RAI1: variants seen among roughly 807,000 people sequenced by gnomAD.
RAI1 encodes retinoic acid induced 1.
Under a neutral mutation model 123.8 loss-of-function variants are expected in RAI1, and 9 were observed. The observed-to-expected ratio is 0.07, with a 90% CI of 0.04 to 0.13. The LOEUF (loss-of-function observed/expected upper bound fraction) is 0.13. RAI1 is among the 10% of genes least tolerant of loss of function. RAI1 has a pLI of 1.00. For missense variants in RAI1, 2,256 were observed against 2,545.8 expected, an observed-to-expected ratio of 0.89 and a Z score of 2.45; for synonymous variants, 1,231 against 1,127.3, an observed-to-expected ratio of 1.09 and a Z score of -1.84.
chr17:17,766,435 T>A (rs2030935405), intron 2 of RAI1: 1 of 152,216 alleles, frequency 6.6e-6, no homozygotes, highest in Admixed American at 6.5e-5. Flanking sequence ...CCAGGCGTGG[T>A]GTCACTCAGG....
chr17:17,733,461 G>GT (rs1916332004), intron 2 of RAI1, among the ~76,000 whole-genome samples: 1 of 152,172 alleles, frequency 6.6e-6, no homozygotes, highest in Non-Finnish European at 1.5e-5. Flanking sequence ...GATTCTGCTT[G>GT]TTCTATAAGA....
chr17:17,794,590 G>T lies in RAI1; in HGVS notation c.1642G>T (p.Ala548Ser), dbSNP rs1246938481. Residue 548 changes from alanine to serine, a missense_variant, in exon 3 of 6, where the codon GCC (alanine) becomes TCC (serine). Physicochemically the swap from Ala to Ser is moderately conservative, Grantham distance 99. This residue lies in a region of RAI1 where 357 missense variants were observed against 480.2 expected (regional missense o/e 0.74). Coordinates refer to ENST00000353383, the MANE Select transcript of RAI1 (RefSeq NM_030665.4). The stretch of plus-strand genomic sequence containing the variant: ...TGCCAGGGTCAACAGCAACTCGAAG[G>T]CCAAGCCCGAGTCCGTGTCCACCTG... The part of the protein sequence containing the change: ...SPARVNSNSK[A>S]KPESVSTCSV... 1.2e-6 allele frequency: 2 copies of T among 1,613,108 alleles called. No homozygotes were observed. Among genetic ancestry groups the T allele is most frequent in the South Asian group, 2.2e-5 (2 of 91,090 alleles).
At chr17:17,725,441 G>T (rs62064084) in intron 2 of RAI1, among the ~76,000 whole-genome samples, 11 of 152,010 alleles carry the variant, frequency 7.2e-5, no homozygotes, top group Non-Finnish European at 1.5e-4. Context: ...GAGGAGAGTG[G>T]TGGGAACTTC....
intron 1 of RAI1, among the ~76,000 whole-genome samples, chr17:17,702,391 C>G (rs1331972383): frequency 2.0e-5 from 3 of 152,216 alleles, no homozygotes; most frequent in Non-Finnish European, 4.4e-5. Flanking sequence ...TCCTCACTAC[C>G]AGGCCAAGCC....
At chr17:17,707,080 C>G (rs1024312507) in intron 1 of RAI1, among the ~76,000 whole-genome samples, 8 of 152,096 alleles carry the variant, frequency 5.3e-5, no homozygotes, top group Non-Finnish European at 1.2e-4. Flanking sequence ...GAGGCTGAGG[C>G]AGGCAGATCG....
intron 1 of RAI1, among the ~76,000 whole-genome samples, chr17:17,683,161 G>A (rs1914502635): frequency 6.6e-6 from 1 of 152,208 alleles, no homozygotes; most frequent in African/African-American, 2.4e-5. Context: ...TGCCGCTGCC[G>A]GGCTGTTAAG....
chr17:17,698,751 T>A (rs1485199359), intron 1 of RAI1, among the ~76,000 whole-genome samples: 1 of 152,194 alleles, frequency 6.6e-6, no homozygotes, highest in Non-Finnish European at 1.5e-5. Flanking sequence ...CCCCAGGCAC[T>A]GAGTTTTCTT....
chr17:17,719,295 GC>G (rs1280702767), intron 1 of RAI1, among the ~76,000 whole-genome samples: 2 of 152,030 alleles, frequency 1.3e-5, no homozygotes, highest in African/African-American at 2.4e-5. Flanking sequence ...TGTAGGTGTG[GC>G]CCCCCGTCCT....
intron 1 of RAI1, among the ~76,000 whole-genome samples, chr17:17,690,419 CAAGTAT>C (rs1046774010): frequency 6.6e-6 from 1 of 151,410 alleles, no homozygotes; most frequent in African/African-American, 2.4e-5. Context: ...ATTTCAGTCT[CAAGTAT>C]GAAAGCAGAA....
chr17:17,695,123 G>T (rs1317185398), intron 1 of RAI1, among the ~76,000 whole-genome samples: 1 of 152,170 alleles, frequency 6.6e-6, no homozygotes, highest in African/African-American at 2.4e-5. Context: ...CCTACCGCTT[G>T]GGGGCTATTA....
In RAI1 at chr17:17,810,273, G is replaced by T; in HGVS notation, c.*292G>T. The T allele has an allele frequency of 2.0e-6, 1 of 497,336 alleles. No homozygotes were observed. The highest frequency in any genetic ancestry group is 3.5e-6 in the Non-Finnish European group (1 of 284,290). The allele number at this position is 497,336 out of a possible 1,614,324, so 30.8% of individuals were successfully genotyped here. ...TTGCGGAGGGGGAGCCCGCGGAGCG[G>T]CCAGACTCCCCGGGGCGCTCAGCCT... On this transcript the variant is annotated 3_prime_UTR_variant, in exon 6 of 6. Transcript: ENST00000353383. This position sits in a 1 kb window ranked among gnomAD's most constrained non-coding sequence, Gnocchi z 4.6.
chr17:17,787,978 G>C (rs1364709678), intron 2 of RAI1, among the ~76,000 whole-genome samples: 3 of 152,116 alleles, frequency 2.0e-5, no homozygotes, highest in Admixed American at 6.5e-5. Context: ...GAAGGGCCCA[G>C]AGCCCCCAGC....
intron 2 of RAI1, among the ~76,000 whole-genome samples, chr17:17,772,930 T>C (rs1366755016): frequency 1.3e-5 from 2 of 151,968 alleles, no homozygotes; most frequent in Non-Finnish European, 2.9e-5. Context: ...TGTGCATGGA[T>C]GCATGGATAG....
At chr17:17,791,406 C>G (rs1473511696) in intron 2 of RAI1, among the ~76,000 whole-genome samples, 1 of 152,142 alleles carries the variant, frequency 6.6e-6, no homozygotes, top group East Asian at 1.9e-4. Context: ...CCCCCACTCC[C>G]CACCTTTCTG....
intron 1 of RAI1, among the ~76,000 whole-genome samples, chr17:17,687,488 A>G (rs1457286173): frequency 6.6e-6 from 1 of 152,142 alleles, no homozygotes; most frequent in African/African-American, 2.4e-5. Flanking sequence ...CTGCAGGCCC[A>G]TGGTCAGGGG....
At chr17:17,733,817 G>C (rs1173544228) in intron 2 of RAI1, among the ~76,000 whole-genome samples, 1 of 152,190 alleles carries the variant, frequency 6.6e-6, no homozygotes, top group Non-Finnish European at 1.5e-5. Context: ...AAGGGTCCCA[G>C]GAGAGCCAGT....
At position 17,800,178 on chromosome 17, in the gene RAI1, C is replaced by CTG. The variant is rs1339889348; in HGVS notation, c.5565+1667_5565+1668dup. Among the ~76,000 whole-genome samples, 14 of 73,038 alleles carry CTG rather than the reference C, an allele frequency of 1.9e-4. No homozygotes were observed. The highest frequency in any genetic ancestry group is 7.1e-4 in the African/African-American group (14 of 19,704). 47.9% of individuals were successfully genotyped at this position (73,038 alleles called of 152,430 possible). A position where few individuals can be genotyped will look rare whatever the true frequency, so the allele number is the denominator to read the frequency against. On this transcript the variant is annotated intron_variant, in intron 3 of 5. Coordinates refer to ENST00000353383, the MANE Select transcript of RAI1 (RefSeq NM_030665.4). The surrounding 1 kb of genome is among the most constrained non-coding windows in gnomAD (Gnocchi z 4.7). The stretch of plus-strand genomic sequence containing the variant: ...CCTCTCTCCTGCTTTCTGTCTCTCT[C>CTG]TGTCTCTCTCTCTCTCTCTCTCTCT...
Position 17,809,517 on chromosome 17 carries a change from C to T in RAI1, c.5709+78C>T. 2 of 1,446,524 alleles carry T rather than the reference C, an allele frequency of 1.4e-6. No homozygotes were observed. Among genetic ancestry groups the T allele is most frequent in the South Asian group, 1.1e-5 (1 of 87,754 alleles). The allele number at this position is 1,446,524 out of a possible 1,614,324, so 89.6% of individuals were successfully genotyped here. A position where few individuals can be genotyped will look rare whatever the true frequency, so the allele number is the denominator to read the frequency against. On this transcript the variant is annotated intron_variant, in intron 5 of 5. Coordinates refer to ENST00000353383, the MANE Select transcript of RAI1 (RefSeq NM_030665.4). The surrounding 1 kb of genome is among the most constrained non-coding windows in gnomAD (Gnocchi z 4.9). ...CCCACCTCGCACCTCCTTCACAGTC[C>T]CCTGGGCCCCCTTGGCTGCGCAGCC...
At chr17:17,791,110 G>A (rs2031996597) in intron 2 of RAI1, among the ~76,000 whole-genome samples, 1 of 152,216 alleles carries the variant, frequency 6.6e-6, no homozygotes, top group African/African-American at 2.4e-5. Flanking sequence ...AAGCCGGTGG[G>A]CAGGGGCTCG....
Sources: allele counts gnomAD v4.1 joint callset (sites outside exome capture counted in the v4.1 genomes callset), GRCh38; gene constraint gnomAD v4.1.1; regional missense constraint gnomAD v4.1.1; non-coding constraint Gnocchi (gnomAD v3.1); transcripts MANE v1.5; gene names NCBI Gene and HGNC (gene_info 2026-07-23, HGNC 2026-07-21).